Variants in SLC22A15 observed in about 807,000 individuals in gnomAD.
The protein encoded by SLC22A15 is solute carrier family 22 member 15.
Under a neutral mutation model 62.7 loss-of-function variants are expected in SLC22A15, and 45 were observed. The observed-to-expected ratio is 0.72, with a 90% CI of 0.56 to 0.92. The LOEUF is 0.92. SLC22A15 is among the 40% of genes least tolerant of loss of function. The pLI is 0.00. For missense variants in SLC22A15, 622 were observed against 665.6 expected (o/e 0.93, Z 0.72); for synonymous variants, 264 against 267.0 (o/e 0.99, Z 0.11).
intron 2 of SLC22A15, among the ~76,000 whole-genome samples, chr1:116,012,999 G>C (rs1032932644): frequency 6.6e-6 from 1 of 152,126 alleles, no homozygotes; most frequent in Non-Finnish European, 1.5e-5. Flanking sequence ...GAGGTAGTCC[G>C]CACTTTATTA....
intron 8 of SLC22A15, among the ~76,000 whole-genome samples, chr1:116,037,795 C>A (rs536058384): frequency 6.6e-6 from 1 of 152,186 alleles, no homozygotes; most frequent in South Asian, 2.1e-4. Context: ...GCTTTGGTAC[C>A]CCTCAAATCT....
intron 8 of SLC22A15, among the ~76,000 whole-genome samples, chr1:116,057,171 A>G (rs1205462360): frequency 1.3e-5 from 2 of 151,696 alleles, no homozygotes; most frequent in African/African-American, 4.8e-5. Flanking sequence ...ACAAAGGGCT[A>G]ATATCCAGAA....
At chr1:116,034,628 C>A (rs1049090537) in intron 6 of SLC22A15, among the ~76,000 whole-genome samples, 2 of 152,180 alleles carry the variant, frequency 1.3e-5, no homozygotes, top group African/African-American at 4.8e-5. Flanking sequence ...CTGCTGAATG[C>A]AGGATGGGGT....
At chr1:116,031,877 G>A (rs765005684) in intron 6 of SLC22A15, 18 of 1,182,832 alleles carry the variant, frequency 1.5e-5, no homozygotes, top group Non-Finnish European at 1.9e-5. Flanking sequence ...AAGCCTTCCT[G>A]CCCCTTCCCC....
At chr1:116,028,216 C>T (rs781317217) in intron 5 of SLC22A15, among the ~76,000 whole-genome samples, 53 of 151,696 alleles carry the variant, frequency 3.5e-4, no homozygotes, top group Non-Finnish European at 7.4e-4. Flanking sequence ...GTAGAAGTGG[C>T]CTATATTTTA....
chr1:116,035,675 T>C (rs1264033729), intron 7 of SLC22A15, among the ~76,000 whole-genome samples: 3 of 152,034 alleles, frequency 2.0e-5, no homozygotes, highest in Non-Finnish European at 4.4e-5. Context: ...GATGAAACTC[T>C]ATAAACCCAA....
intron 2 of SLC22A15, among the ~76,000 whole-genome samples, chr1:116,013,192 A>G (rs933788336): frequency 3.3e-5 from 5 of 152,122 alleles, no homozygotes; most frequent in African/African-American, 2.4e-5. Flanking sequence ...AGGGGCATCT[A>G]TATTCTCTTC....
chr1:116,019,614 C>T lies in SLC22A15; in HGVS notation c.333C>T (p.Val111=). ...TAATTGCCAACAGATCCTACAAAGT[C>T]AGTGCAGCAAGCTCTTTTTTCTTCA... The part of the protein sequence containing the change: ...WFLIANRSYK[V]SAASSFFFSG... The change falls in exon 3 of 12, where the codon GTC becomes GTT. Residue 111 remains valine, a synonymous_variant. Transcript: ENST00000369503. 6.2e-7 allele frequency: 1 copy of T among 1,611,438 alleles called. No homozygotes were observed. The highest frequency in any genetic ancestry group is 8.5e-7 in the Non-Finnish European group (1 of 1,179,236).
intron 1 of SLC22A15, among the ~76,000 whole-genome samples, chr1:115,977,024 T>A (rs1324143529): frequency 6.6e-6 from 1 of 152,192 alleles, no homozygotes; most frequent in Admixed American, 6.5e-5. Flanking sequence ...TAAGGAGGGA[T>A]GCAAAATTGT....
At chr1:116,008,241 C>T (rs1434317017) in intron 2 of SLC22A15, among the ~76,000 whole-genome samples, 4 of 152,140 alleles carry the variant, frequency 2.6e-5, no homozygotes, top group Non-Finnish European at 4.4e-5. Flanking sequence ...AAACACTTCC[C>T]GGTTACTGTA....
intron 1 of SLC22A15, 25 bp downstream of exon 1, chr1:115,976,739 G>A (rs753661013): frequency 2.6e-5 from 41 of 1,555,916 alleles, no homozygotes; most frequent in Non-Finnish European, 3.4e-5. Context: ...CCCCGCAGCC[G>A]CATTTCCCTC....
At chr1:116,005,319 G>T (rs1221851986) in intron 2 of SLC22A15, among the ~76,000 whole-genome samples, 1 of 151,980 alleles carries the variant, frequency 6.6e-6, no homozygotes, top group African/African-American at 2.4e-5. Context: ...GATATTCCAA[G>T]TTCATCTTGT....
intron 2 of SLC22A15, among the ~76,000 whole-genome samples, chr1:115,997,132 G>A (rs1655469096): frequency 6.6e-6 from 1 of 152,034 alleles, no homozygotes; most frequent in Non-Finnish European, 1.5e-5. Context: ...TCAAATCGAG[G>A]AAGCCTCCCA....
chr1:116,067,177 A>G lies in SLC22A15; in HGVS notation c.*69A>G. The G allele has an allele frequency of 1.7e-6, 2 of 1,171,762 alleles. No homozygotes were observed. Among genetic ancestry groups the G allele is most frequent in the Non-Finnish European group, 2.5e-6 (2 of 797,536 alleles). 72.6% of individuals were successfully genotyped at this position (1,171,762 alleles called of 1,614,324 possible). A position where few individuals can be genotyped will look rare whatever the true frequency, so the allele number is the denominator to read the frequency against. ...GCCTCTGGCTAAGGCAGGTTCTTCC[A>G]TGACTCCTAAGAGAGTTGTAAAAAT... On this transcript the variant is annotated 3_prime_UTR_variant, in exon 12 of 12. Transcript: ENST00000369503.
intron 8 of SLC22A15, among the ~76,000 whole-genome samples, chr1:116,057,303 A>T (rs1470888767): frequency 4.6e-5 from 7 of 152,082 alleles, no homozygotes; most frequent in African/African-American, 1.7e-4. Context: ...GACACATGAA[A>T]AAATGCTCAT....
chr1:116,016,100 C>T (rs61788475), intron 2 of SLC22A15, among the ~76,000 whole-genome samples: 6,037 of 150,690 alleles, frequency 0.04, 157 homozygotes, highest in Non-Finnish European at 0.064. Context: ...TTCTTTCTCT[C>T]TTTCTCTCCT....
At chr1:116,033,346 G>C (rs555562939) in intron 6 of SLC22A15, among the ~76,000 whole-genome samples, 57 of 152,268 alleles carry the variant, frequency 3.7e-4, no homozygotes, top group African/African-American at 1.3e-3. Flanking sequence ...TTTAATAGCT[G>C]TAATTATGGA....
chr1:116,009,809 A>G (rs888854204), intron 2 of SLC22A15, among the ~76,000 whole-genome samples: 1 of 152,224 alleles, frequency 6.6e-6, no homozygotes, highest in Non-Finnish European at 1.5e-5. Flanking sequence ...TATTGAAATA[A>G]TCTTGTTTGA....
chr1:116,026,840 T>C (rs1258733463), intron 4 of SLC22A15, 53 bp from the exon 5 acceptor site: 35 of 1,595,350 alleles, frequency 2.2e-5, no homozygotes, highest in Non-Finnish European at 2.7e-5. Context: ...GGGTTGGAAA[T>C]GGTGCTGCAG....
Sources: gnomAD v4.1 joint callset for allele counts (sites outside exome capture counted in the v4.1 genomes callset) on GRCh38, gnomAD v4.1.1 for gene constraint, MANE v1.5 for transcripts, NCBI Gene and HGNC (gene_info 2026-07-23, HGNC 2026-07-21) for gene names.